PAXBP1: variants seen among roughly 807,000 people sequenced by gnomAD.
The protein encoded by PAXBP1 is PAX3- and PAX7-binding protein 1.
Under a neutral mutation model 119.9 loss-of-function variants are expected in PAXBP1, and 44 were observed. That is an observed-to-expected ratio of 0.37 (90% CI 0.29 to 0.47). The LOEUF is 0.47. Among genes scored for constraint, PAXBP1 ranks in the 20% least tolerant of loss-of-function variants. PAXBP1 has a pLI of 0.99. For synonymous variants in PAXBP1, 393 were observed against 406.6 expected (o/e 0.97, Z 0.40); for missense variants, 898 against 1,134.1 (o/e 0.79, Z 2.99).
At chr21:32,763,003 A>G (rs1342597116) in intron 3 of PAXBP1, among the ~76,000 whole-genome samples, 1 of 151,986 alleles carries the variant, frequency 6.6e-6, no homozygotes, top group African/African-American at 2.4e-5. Context: ...AAAAGGCACT[A>G]TATGATGTAT....
intron 3 of PAXBP1, among the ~76,000 whole-genome samples, chr21:32,762,911 CAAAAAAAAAA>C (rs763196446): frequency 8.3e-5 from 4 of 47,912 alleles, no homozygotes; most frequent in African/African-American, 2.3e-4. Context: ...AACTCCGTCT[CAAAAAAAAAA>C]AAAAAAAAAA....
At chr21:32,756,407 A>T (rs768886141) in intron 7 of PAXBP1, 1 of 493,892 alleles carries the variant, frequency 2.0e-6, no homozygotes, top group East Asian at 6.1e-5. Context: ...TGGAATACAG[A>T]GATGTCTGTA....
chr21:32,770,439 G>A (rs1320866148), intron 1 of PAXBP1, among the ~76,000 whole-genome samples: 1 of 152,116 alleles, frequency 6.6e-6, no homozygotes, highest in Non-Finnish European at 1.5e-5. Context: ...AATAGCTCAT[G>A]TATCTCAAAA....
chr21:32,769,999 T>G (rs887895832), intron 1 of PAXBP1, 57 bp from the exon 2 acceptor site: 2 of 1,311,866 alleles, frequency 1.5e-6, no homozygotes, highest in African/African-American at 3.0e-5. Context: ...ATATTTTCCC[T>G]TCTTTCACAT....
Position 32,771,722 on chromosome 21 carries a change from G to C in PAXBP1, c.-54C>G, listed in dbSNP as rs1339894471. The C allele has an allele frequency of 1.2e-5, 16 of 1,327,144 alleles. No individual in the cohort carries two copies. The highest frequency in any genetic ancestry group is 1.5e-5 in the Non-Finnish European group (16 of 1,035,478). 82.2% of individuals were successfully genotyped at this position (1,327,144 alleles called of 1,614,324 possible). A position where few individuals can be genotyped will look rare whatever the true frequency, so the allele number is the denominator to read the frequency against. ...TCGCTTCCACACCGCGGCCCCGGCA[G>C]CGCCGAGCTCGTGACGGCGCACGCG... On this transcript the variant is annotated 5_prime_UTR_variant, in exon 1 of 18. Coordinates refer to ENST00000331923, the MANE Select transcript of PAXBP1 (RefSeq NM_016631.4).
intron 14 of PAXBP1, 64 bp from the exon 15 acceptor site, chr21:32,743,378 C>A: frequency 8.9e-7 from 1 of 1,122,162 alleles, no homozygotes; most frequent in Non-Finnish European, 1.3e-6. Flanking sequence ...CATATGATTC[C>A]TGGACAAAAG....
At position 32,762,332 on chromosome 21, in the gene PAXBP1, TA is replaced by T. The variant is rs771666139; in HGVS notation, c.650-16del. On this transcript the variant is annotated splice_polypyrimidine_tract_variant and intron_variant, in intron 3 of 17. Transcript: ENST00000331923. ...TGGAATTTCTCCTAGAAACAAATGG[TA>T]AGAATATGGCAGTATGAGAGATGCA... 1 of 1,609,626 alleles carries T rather than the reference TA, an allele frequency of 6.2e-7. No homozygotes were observed. Among genetic ancestry groups the T allele is most frequent in the Admixed American group, 1.7e-5 (1 of 59,402 alleles).
chr21:32,756,380 A>G, intron 7 of PAXBP1: 1 of 512,114 alleles, frequency 2.0e-6, no homozygotes, highest in South Asian at 1.5e-5. Flanking sequence ...TGCAAATGGA[A>G]AATAAAAAAA....
chr21:32,743,060 C>G, intron 15 of PAXBP1, 188 bp downstream of exon 15: 1 of 680,574 alleles, frequency 1.5e-6, no homozygotes, highest in South Asian at 1.5e-5. Flanking sequence ...TCAGAAATCA[C>G]TTTCTCCTGT....
At chr21:32,749,885 T>G (rs2043933044) in intron 10 of PAXBP1, among the ~76,000 whole-genome samples, 1 of 152,178 alleles carries the variant, frequency 6.6e-6, no homozygotes, top group East Asian at 1.9e-4. Flanking sequence ...GAATGTGTAC[T>G]TAGGGTTACT....
At chr21:32,758,219 T>C (rs79069369) in intron 7 of PAXBP1, among the ~76,000 whole-genome samples, 371 of 152,284 alleles carry the variant, frequency 2.4e-3, no homozygotes, top group African/African-American at 8.2e-3. Context: ...AACCACACTA[T>C]ATGCTTACAG....
chr21:32,743,456 G>A (rs2043820166), intron 14 of PAXBP1, 142 bp from the exon 15 acceptor site: 1 of 705,288 alleles, frequency 1.4e-6, no homozygotes, highest in African/African-American at 1.8e-5. Context: ...CTGGAAGATA[G>A]TATGTTAAAA....
chr21:32,769,100 C>A (rs1298175604), intron 2 of PAXBP1, among the ~76,000 whole-genome samples: 1 of 152,126 alleles, frequency 6.6e-6, no homozygotes, highest in Admixed American at 6.6e-5. Flanking sequence ...AGATACAAAG[C>A]CATACTTTTT....
At chr21:32,749,386 A>C (rs1244236180) in intron 10 of PAXBP1, among the ~76,000 whole-genome samples, 1 of 151,746 alleles carries the variant, frequency 6.6e-6, no homozygotes, top group Non-Finnish European at 1.5e-5. Flanking sequence ...GTAGAGATGG[A>C]GTTTCATCAT....
intron 12 of PAXBP1, 82 bp from the exon 13 acceptor site, chr21:32,744,995 A>C: frequency 7.2e-7 from 1 of 1,386,894 alleles, no homozygotes; most frequent in Non-Finnish European, 9.9e-7. Flanking sequence ...ATTAATGCCA[A>C]TCCTAATTTA....
intron 11 of PAXBP1, 98 bp downstream of exon 11, chr21:32,748,401 G>A (rs2043907314): frequency 5.1e-6 from 6 of 1,182,276 alleles, no homozygotes; most frequent in Non-Finnish European, 6.0e-6. Context: ...TATCACCCCT[G>A]CAAAATATTT....
rs895231452 is a variant in PAXBP1, at chr21:32,744,374, C to A, written c.2190+418G>T. 2.0e-5 allele frequency among the ~76,000 whole-genome samples: 3 copies of A among 151,810 alleles called. 1 individual carries two copies. The highest frequency in any genetic ancestry group is 4.4e-5 in the Non-Finnish European group (3 of 67,972). Reference sequence around the variant, plus strand: ...GGGCCGCATTCAAAGCCGTCCTGGGCCACATGTCCATGGGCCACGGGTTGG... The same window carrying A: ...GGGCCGCATTCAAAGCCGTCCTGGGACACATGTCCATGGGCCACGGGTTGG... On this transcript the variant is annotated intron_variant, in intron 13 of 17. Transcript: ENST00000331923.
At chr21:32,750,514 C>A (rs1245151380) in intron 10 of PAXBP1, among the ~76,000 whole-genome samples, 2 of 152,108 alleles carry the variant, frequency 1.3e-5, no homozygotes, top group Non-Finnish European at 2.9e-5. Context: ...TAGTACTAAC[C>A]ATTCCTCTAA....
rs1183483628 is a variant in PAXBP1, at chr21:32,743,770, T to G, written c.2191-16A>C. The G allele has an allele frequency of 7.3e-7, 1 of 1,371,196 alleles. No homozygotes were observed. The highest frequency in any genetic ancestry group is 1.0e-6 in the Non-Finnish European group (1 of 974,524). The allele number at this position is 1,371,196 out of a possible 1,614,324, so 84.9% of individuals were successfully genotyped here. On this transcript the variant is annotated splice_polypyrimidine_tract_variant and intron_variant, in intron 13 of 17. Coordinates refer to ENST00000331923, the MANE Select transcript of PAXBP1 (RefSeq NM_016631.4). ...TTAGGTATACCTAAAAAGTTAAAAG[T>G]AGATCACACATTTTAATAAGGACTA...
Sources: allele counts gnomAD v4.1 joint callset (sites outside exome capture counted in the v4.1 genomes callset), GRCh38; gene constraint gnomAD v4.1.1; transcripts MANE v1.5; gene names NCBI Gene and HGNC (gene_info 2026-07-23, HGNC 2026-07-21).